The following FSHR variants were observed in gnomAD, a reference collection of about 807,000 sequenced individuals.
FSHR encodes the protein follicle-stimulating hormone receptor.
FSHR carries 46 observed loss-of-function variants against 52.1 expected under a neutral mutation model. The observed-to-expected ratio is 0.88, with a 90% CI of 0.70 to 1.13. FSHR has a LOEUF of 1.13. FSHR is among the 50% of genes most tolerant of loss of function. FSHR has a pLI of 0.00. For synonymous variants in FSHR, 399 were observed against 309.6 expected (o/e 1.29, Z -3.03); for missense variants, 964 against 834.6 (o/e 1.16, Z -1.91).
chr2:49,038,715 G>T (rs1668382796), intron 2 of FSHR, among the ~76,000 whole-genome samples: 1 of 150,496 alleles, frequency 6.6e-6, no homozygotes, highest in Admixed American at 6.6e-5. Context: ...CTAAAATACT[G>T]AACAAAAACG....
At chr2:49,098,520 G>T (rs1217103559) in intron 1 of FSHR, among the ~76,000 whole-genome samples, 1 of 151,828 alleles carries the variant, frequency 6.6e-6, no homozygotes, top group South Asian at 2.1e-4. Context: ...GGAACTATCT[G>T]TGGGAGGTGG....
intron 9 of FSHR, among the ~76,000 whole-genome samples, chr2:48,967,174 C>A (rs1047326186): frequency 6.6e-6 from 1 of 152,206 alleles, no homozygotes; most frequent in Non-Finnish European, 1.5e-5. Flanking sequence ...TAGCTCACTG[C>A]AGCCTCGACC....
At chr2:49,122,865 C>G (rs943416573) in intron 1 of FSHR, among the ~76,000 whole-genome samples, 1 of 152,166 alleles carries the variant, frequency 6.6e-6, no homozygotes, top group African/African-American at 2.4e-5. Flanking sequence ...GTCATGTCAC[C>G]TTTCTAAATC....
chr2:49,027,878 A>G (rs971763925), intron 2 of FSHR, among the ~76,000 whole-genome samples: 27 of 150,092 alleles, frequency 1.8e-4, no homozygotes, highest in African/African-American at 6.4e-4. Context: ...AAAAAGAGTG[A>G]AGGAAGGACA....
At chr2:48,995,677 G>A (rs1675993784) in intron 4 of FSHR, among the ~76,000 whole-genome samples, 2 of 152,082 alleles carry the variant, frequency 1.3e-5, no homozygotes, top group Non-Finnish European at 2.9e-5. Context: ...AGCAGAGCTG[G>A]CCCATGTTTT....
intron 1 of FSHR, among the ~76,000 whole-genome samples, chr2:49,143,937 A>G (rs543073406): frequency 1.3e-5 from 2 of 152,228 alleles, no homozygotes; most frequent in South Asian, 4.2e-4. Flanking sequence ...AATAAAGAGG[A>G]TTGGTGGAAA....
intron 2 of FSHR, among the ~76,000 whole-genome samples, chr2:49,056,751 G>T (rs940111643): frequency 6.6e-6 from 1 of 151,792 alleles, no homozygotes; most frequent in Admixed American, 6.6e-5. Flanking sequence ...TGGCCATATT[G>T]TTTCTGTTAG....
chr2:49,139,357 A>T (rs1672594243), intron 1 of FSHR, among the ~76,000 whole-genome samples: 1 of 152,278 alleles, frequency 6.6e-6, no homozygotes, highest in African/African-American at 2.4e-5. Flanking sequence ...GAAGTGTGGA[A>T]GGTAGAATAC....
intron 1 of FSHR, among the ~76,000 whole-genome samples, chr2:49,145,613 G>C (rs1672842448): frequency 6.6e-6 from 1 of 152,040 alleles, no homozygotes; most frequent in South Asian, 2.1e-4. Flanking sequence ...TGTCAAATTA[G>C]TGATTTCGAC....
chr2:48,965,524 C>A (rs1022018756), intron 9 of FSHR, among the ~76,000 whole-genome samples: 1 of 152,138 alleles, frequency 6.6e-6, no homozygotes, highest in Admixed American at 6.6e-5. Flanking sequence ...GAGGGGTATC[C>A]TGTGGTCCTT....
chr2:49,054,164 C>A (rs1408140453), intron 2 of FSHR, among the ~76,000 whole-genome samples: 3 of 152,154 alleles, frequency 2.0e-5, no homozygotes, highest in African/African-American at 7.2e-5. Context: ...TAACATAGCA[C>A]TAATGATGTT....
At chr2:49,100,090 T>A (rs1441022122) in intron 1 of FSHR, among the ~76,000 whole-genome samples, 1 of 152,184 alleles carries the variant, frequency 6.6e-6, no homozygotes, top group African/African-American at 2.4e-5. Context: ...TATTAACTCA[T>A]GTAATCTTCA....
chr2:48,976,850 G>A (rs1404486068), intron 8 of FSHR, among the ~76,000 whole-genome samples: 3 of 151,988 alleles, frequency 2.0e-5, no homozygotes, highest in Non-Finnish European at 4.4e-5. Flanking sequence ...ATTTTTTATT[G>A]TGTTTATTTG....
At chr2:49,057,543 T>A (rs1444101927) in intron 2 of FSHR, among the ~76,000 whole-genome samples, 1 of 152,012 alleles carries the variant, frequency 6.6e-6, no homozygotes, top group Non-Finnish European at 1.5e-5. Flanking sequence ...ATTGAAAATC[T>A]CCCAACAAAG....
intron 2 of FSHR, among the ~76,000 whole-genome samples, chr2:49,054,168 T>C (rs1333504880): frequency 1.3e-5 from 2 of 152,196 alleles, no homozygotes; most frequent in African/African-American, 4.8e-5. Flanking sequence ...ATAGCACTAA[T>C]GATGTTACCT....
intron 2 of FSHR, among the ~76,000 whole-genome samples, chr2:49,045,367 C>T (rs560121975): frequency 1.1e-4 from 17 of 152,154 alleles, no homozygotes; most frequent in Non-Finnish European, 2.4e-4. Context: ...GTTAGATCCT[C>T]AGTGATTTGT....
At chr2:49,058,738 T>C (rs1669165215) in intron 2 of FSHR, among the ~76,000 whole-genome samples, 2 of 151,318 alleles carry the variant, frequency 1.3e-5, no homozygotes, top group African/African-American at 4.9e-5. Context: ...ATGAATAAAT[T>C]TAACTCAAGT....
chr2:48,975,483 G>T (rs1220940882), intron 8 of FSHR, among the ~76,000 whole-genome samples: 1 of 152,054 alleles, frequency 6.6e-6, no homozygotes, highest in African/African-American at 2.4e-5. Flanking sequence ...GGCACGTCAG[G>T]CCTCTTGCTT....
At chr2:48,998,381 T>G (rs1261210528) in intron 4 of FSHR, among the ~76,000 whole-genome samples, 1 of 152,136 alleles carries the variant, frequency 6.6e-6, no homozygotes, top group African/African-American at 2.4e-5. Flanking sequence ...TGTCATTATA[T>G]ATGAAAACTC....
Sources: gnomAD v4.1 joint callset for allele counts (sites outside exome capture counted in the v4.1 genomes callset) on GRCh38, gnomAD v4.1.1 for gene constraint, MANE v1.5 for transcripts, NCBI Gene and HGNC (gene_info 2026-07-23, HGNC 2026-07-21) for gene names.